MCC: variants seen among roughly 807,000 people sequenced by gnomAD.
The protein encoded by MCC is MCC regulator of Wnt signaling pathway.
Under a neutral mutation model 116.2 loss-of-function variants are expected in MCC, and 90 were observed. The ratio of observed to expected loss-of-function variants is 0.77; its 90% CI spans 0.65 to 0.92. MCC has a LOEUF of 0.92. Among genes scored for constraint, MCC ranks in the 40% least tolerant of loss-of-function variants. The pLI, the probability that MCC is intolerant of heterozygous loss-of-function variation, is 0.00. For missense variants in MCC, 1,516 were observed against 1,312.2 expected, an observed-to-expected ratio of 1.16 and a Z score of -2.40; for synonymous variants, 578 against 510.5, an observed-to-expected ratio of 1.13 and a Z score of -1.78.
intron 1 of MCC, among the ~76,000 whole-genome samples, chr5:113,460,163 T>A (rs1453377728): frequency 2.0e-5 from 3 of 152,202 alleles, no homozygotes; most frequent in African/African-American, 7.2e-5. Flanking sequence ...GCAGCTGAAG[T>A]CATTTCCAGC....
At chr5:113,396,498 G>A (rs1444170150) in intron 1 of MCC, among the ~76,000 whole-genome samples, 1 of 151,406 alleles carries the variant, frequency 6.6e-6, no homozygotes, top group Admixed American at 6.6e-5. Context: ...ATAGCCAGAT[G>A]TGGTGGCACA....
rs182923278 is a variant in MCC, at chr5:113,301,414, G to A, written c.627+39105C>T. On this transcript the variant is annotated intron_variant, in intron 3 of 18. Transcript: ENST00000408903. ...CAGGAGGCAGAGGTTGCGGCGAGCC[G>A]AGATCACGCCATTGCACCCCAGCCT... 3.3e-3 allele frequency among the ~76,000 whole-genome samples: 495 copies of A among 151,796 alleles called. 11 individuals are homozygous for A. In the East Asian group the frequency reaches 0.055, roughly 17 times the overall value.
Position 113,266,201 on chromosome 5 carries a change from T to C in MCC, c.627+74318A>G, listed in dbSNP as rs1021357699. On this transcript the variant is annotated intron_variant, in intron 3 of 18. Transcript: ENST00000408903. ...CTGGAGTCAACCTCTACCTTCAATCTACATTTCTTTTGTGCTTGCTTCCCC... is the reference window on the plus strand; with the variant it reads ...CTGGAGTCAACCTCTACCTTCAATCCACATTTCTTTTGTGCTTGCTTCCCC... Among the ~76,000 whole-genome samples the C allele has an allele frequency of 1.1e-4, 16 of 152,014 alleles. No individual in the cohort carries two copies. In the East Asian group the frequency reaches 3.1e-3, roughly 29 times the overall value.
chr5:113,275,555 CTT>C (rs1038936098), intron 3 of MCC, among the ~76,000 whole-genome samples: 1 of 152,148 alleles, frequency 6.6e-6, no homozygotes, highest in Non-Finnish European at 1.5e-5. Context: ...GGTTCACAGA[CTT>C]TGCAAAACAG....
intron 3 of MCC, among the ~76,000 whole-genome samples, chr5:113,312,400 G>A (rs551425093): frequency 1.3e-5 from 2 of 152,204 alleles, no homozygotes; most frequent in Non-Finnish European, 2.9e-5. Context: ...TTTCTTTAAG[G>A]AAGAGATGTC....
intron 3 of MCC, among the ~76,000 whole-genome samples, chr5:113,259,088 T>C (rs1483640368): frequency 1.3e-5 from 2 of 152,170 alleles, no homozygotes; most frequent in East Asian, 3.8e-4. Flanking sequence ...TTTTTATAAT[T>C]TACAACAGCA....
At chr5:113,146,766 C>A (rs2150288607) in intron 4 of MCC, among the ~76,000 whole-genome samples, 2 of 152,296 alleles carry the variant, frequency 1.3e-5, no homozygotes, top group Admixed American at 6.5e-5. Context: ...ACACCCCATA[C>A]AATTTCAGCT....
intron 3 of MCC, among the ~76,000 whole-genome samples, chr5:113,178,704 C>A (rs1391521049): frequency 6.6e-6 from 1 of 152,170 alleles, no homozygotes; most frequent in East Asian, 1.9e-4. Context: ...TTAACCTCAA[C>A]AATTTTACCA....
chr5:113,053,239 C>T (rs907837390), intron 15 of MCC, among the ~76,000 whole-genome samples: 4 of 152,148 alleles, frequency 2.6e-5, no homozygotes, highest in Admixed American at 2.0e-4. Context: ...CACTGTACAC[C>T]TTCACTGGAG....
chr5:113,429,192 T>A (rs567439006), intron 1 of MCC, among the ~76,000 whole-genome samples: 1,535 of 152,180 alleles, frequency 0.01, 28 homozygotes, highest in African/African-American at 0.035. Flanking sequence ...GACAGGGTCT[T>A]TAGGAGGTAA....
At chr5:113,104,464 T>G in intron 6 of MCC, 109 bp from the exon 7 acceptor site, 1 of 947,350 alleles carries the variant, frequency 1.1e-6, no homozygotes, top group Admixed American at 2.6e-5. Context: ...AGCCTGACAT[T>G]TCAAAGTTCA....
intron 8 of MCC, chr5:113,101,505 C>A (rs1756407229): frequency 1.9e-6 from 1 of 535,196 alleles, no homozygotes; most frequent in South Asian, 2.4e-5. Context: ...ATTTTATCAA[C>A]CAGTCAGATT....
At chr5:113,341,714 G>A (rs936223517) in intron 2 of MCC, among the ~76,000 whole-genome samples, 18 of 152,344 alleles carry the variant, frequency 1.2e-4, no homozygotes, top group African/African-American at 4.1e-4. Context: ...ATGTGGTACA[G>A]ATGGTGGAGC....
At chr5:113,281,674 A>T (rs1766051889) in intron 3 of MCC, among the ~76,000 whole-genome samples, 1 of 152,234 alleles carries the variant, frequency 6.6e-6, no homozygotes, top group South Asian at 2.1e-4. Flanking sequence ...CAGTATTCTG[A>T]CTTGACACTA....
chr5:113,400,566 G>C (rs964895408), intron 1 of MCC, among the ~76,000 whole-genome samples: 2 of 152,158 alleles, frequency 1.3e-5, no homozygotes, highest in Non-Finnish European at 1.5e-5. Flanking sequence ...TCTTCACAAT[G>C]ATTTGTAAAA....
intron 3 of MCC, among the ~76,000 whole-genome samples, chr5:113,286,909 C>G (rs965391708): frequency 6.6e-6 from 1 of 152,134 alleles, no homozygotes. Flanking sequence ...TTCTAGTCAA[C>G]AAGAGAAAAA....
chr5:113,319,096 G>C (rs568736733), intron 3 of MCC, among the ~76,000 whole-genome samples: 6 of 152,182 alleles, frequency 3.9e-5, no homozygotes, highest in African/African-American at 1.4e-4. Context: ...TCAAAATCCT[G>C]GGCTCAAGCA....
At chr5:113,469,315 C>G (rs1004501173) in intron 1 of MCC, among the ~76,000 whole-genome samples, 1 of 151,738 alleles carries the variant, frequency 6.6e-6, no homozygotes, top group Non-Finnish European at 1.5e-5. Context: ...CTCTTGTGGG[C>G]GTTTAGTGCT....
intron 3 of MCC, among the ~76,000 whole-genome samples, chr5:113,274,802 T>C (rs951547803): frequency 6.6e-6 from 1 of 152,244 alleles, no homozygotes; most frequent in Non-Finnish European, 1.5e-5. Flanking sequence ...TAAGTATAAA[T>C]GTTTTCATCA....
Sources: gnomAD v4.1 joint callset for allele counts (sites outside exome capture counted in the v4.1 genomes callset) on GRCh38, gnomAD v4.1.1 for gene constraint, MANE v1.5 for transcripts, NCBI Gene and HGNC (gene_info 2026-07-23, HGNC 2026-07-21) for gene names.